The following ATP2B2 variants were observed in gnomAD, a reference collection of about 807,000 sequenced individuals.
ATP2B2 encodes the protein plasma membrane calcium-transporting ATPase 2.
Under a neutral mutation model 120.0 loss-of-function variants are expected in ATP2B2, and 15 were observed. The ratio of observed to expected loss-of-function variants is 0.12; its 90% CI spans 0.08 to 0.19. The LOEUF is 0.19. ATP2B2 is among the 10% of genes least tolerant of loss of function. The pLI, the probability that ATP2B2 is intolerant of heterozygous loss-of-function variation, is 1.00. For synonymous variants in ATP2B2, 694 were observed against 700.3 expected (o/e 0.99, Z 0.14); for missense variants, 1,045 against 1,719.8 (o/e 0.61, Z 6.94).
chr3:10,593,635 A>T (rs1559475984), intron 2 of ATP2B2, among the ~76,000 whole-genome samples: 1 of 152,206 alleles, frequency 6.6e-6, no homozygotes, highest in Non-Finnish European at 1.5e-5. Context: ...AGGCAATACC[A>T]TTCAGGACAT....
intron 6 of ATP2B2, 23 bp downstream of exon 6, chr3:10,388,254 G>C (rs2061742164): frequency 1.2e-6 from 2 of 1,613,902 alleles, no homozygotes; most frequent in Non-Finnish European, 1.7e-6. Context: ...TCCTCTCCTG[G>C]TCTGCAAGGG....
intron 1 of ATP2B2, among the ~76,000 whole-genome samples, chr3:10,660,944 T>C (rs1473124190): frequency 2.0e-5 from 3 of 152,166 alleles, no homozygotes; most frequent in Non-Finnish European, 4.4e-5. Context: ...TGGTTCAACA[T>C]ACACAAATCA....
Position 10,375,364 on chromosome 3 carries a change from G to A in ATP2B2, c.1416+66C>T. The A allele has an allele frequency of 1.4e-6, 2 of 1,418,448 alleles. No individual in the cohort carries two copies. The highest frequency in any genetic ancestry group is 2.0e-6 in the Non-Finnish European group (2 of 1,012,656). 87.9% of individuals were successfully genotyped at this position (1,418,448 alleles called of 1,614,324 possible). A position where few individuals can be genotyped will look rare whatever the true frequency, so the allele number is the denominator to read the frequency against. On this transcript the variant is annotated intron_variant, in intron 11 of 22. Transcript: ENST00000360273. The surrounding 1 kb of genome is among the most constrained non-coding windows in gnomAD (Gnocchi z 4.2). ...TCTCCCAACCCCAGCACCAGCCCCA[G>A]TGATTCCCCCAGGCCCTCAGCTGCA...
At chr3:10,372,403 T>C (rs745956793) in intron 11 of ATP2B2, among the ~76,000 whole-genome samples, 15 of 152,246 alleles carry the variant, frequency 9.9e-5, no homozygotes, top group Non-Finnish European at 2.1e-4. Context: ...TTTTCTCTTA[T>C]AGACTAACAT....
At position 10,356,074 on chromosome 3, in the gene ATP2B2, C is replaced by CAAA. The variant is rs1163636761; in HGVS notation, c.2136+2614_2136+2616dup. Reference sequence around the variant, plus strand: ...TGGGCGACAGAGCGAGACTCCGTCTCAAAAAAAAAAAAAAAAAAAAAAAAA... The same window carrying CAAA: ...TGGGCGACAGAGCGAGACTCCGTCTCAAAAAAAAAAAAAAAAAAAAAAAAAAAA... On this transcript the variant is annotated intron_variant, in intron 14 of 22. Transcript: ENST00000360273. 6.5e-4 allele frequency among the ~76,000 whole-genome samples: 2 copies of CAAA among 3,074 alleles called. 1 individual carries two copies. The allele number at this position is 3,074 out of a possible 152,430, so 2.0% of individuals were successfully genotyped here.
intron 2 of ATP2B2, among the ~76,000 whole-genome samples, chr3:10,587,545 A>C (rs2068539775): frequency 6.6e-6 from 1 of 152,082 alleles, no homozygotes; most frequent in African/African-American, 2.4e-5. Flanking sequence ...ACACCCAGCT[A>C]ATTTTTGTAT....
chr3:10,576,813 C>G (rs749519620), intron 2 of ATP2B2, among the ~76,000 whole-genome samples: 25 of 151,924 alleles, frequency 1.6e-4, no homozygotes, highest in Non-Finnish European at 3.4e-4. Context: ...GTCTGTAATC[C>G]CAGCACTTTG....
chr3:10,694,262 G>C (rs988865539), intron 1 of ATP2B2, among the ~76,000 whole-genome samples: 3 of 152,086 alleles, frequency 2.0e-5, no homozygotes, highest in African/African-American at 7.2e-5. Context: ...CACTATCAAG[G>C]TACTCAACTG....
intron 1 of ATP2B2, among the ~76,000 whole-genome samples, chr3:10,705,753 C>G (rs2071886910): frequency 6.6e-6 from 1 of 152,314 alleles, no homozygotes; most frequent in African/African-American, 2.4e-5. Context: ...AAAATAATTG[C>G]TCAAAAAATA....
intron 3 of ATP2B2, among the ~76,000 whole-genome samples, chr3:10,407,585 C>T (rs549993326): frequency 8.5e-5 from 13 of 152,292 alleles, no homozygotes; most frequent in South Asian, 2.1e-4. Flanking sequence ...AGACCTGGGG[C>T]GGAGGCGGGC....
chr3:10,366,404 T>C (rs1438742141), intron 12 of ATP2B2, among the ~76,000 whole-genome samples: 1 of 152,224 alleles, frequency 6.6e-6, no homozygotes, highest in Non-Finnish European at 1.5e-5. Flanking sequence ...CAGGCGAAGC[T>C]TGGCTTATCT....
At chr3:10,526,642 G>A (rs2067100520) in intron 3 of ATP2B2, among the ~76,000 whole-genome samples, 1 of 152,180 alleles carries the variant, frequency 6.6e-6, no homozygotes, top group African/African-American at 2.4e-5. Flanking sequence ...AATGAAGTCA[G>A]CGGGAGCTGT....
chr3:10,326,788 T>G lies in ATP2B2; in HGVS notation c.*2026A>C. 2.5e-6 allele frequency: 1 copy of G among 399,026 alleles called. No individual in the cohort carries two copies. The highest frequency in any genetic ancestry group is 4.4e-6 in the Non-Finnish European group (1 of 226,070). The allele number at this position is 399,026 out of a possible 1,614,324, so 24.7% of individuals were successfully genotyped here. ...TTTGCCAGGTGGGATGGGCTGACTTTGAACCCCAAACCCTCAAGTTTTTCC... is the reference window on the plus strand; with the variant it reads ...TTTGCCAGGTGGGATGGGCTGACTTGGAACCCCAAACCCTCAAGTTTTTCC... On this transcript the variant is annotated 3_prime_UTR_variant, in exon 23 of 23. Coordinates refer to ENST00000360273, the MANE Select transcript of ATP2B2 (RefSeq NM_001001331.4).
intron 1 of ATP2B2, among the ~76,000 whole-genome samples, chr3:10,650,871 C>G (rs576011549): frequency 4.6e-5 from 7 of 152,340 alleles, no homozygotes; most frequent in African/African-American, 1.7e-4. Context: ...TTCCCAAGGC[C>G]ACGGGAGCCC....
chr3:10,420,361 C>CTT (rs57911821), intron 2 of ATP2B2, among the ~76,000 whole-genome samples: 3 of 139,940 alleles, frequency 2.1e-5, no homozygotes, highest in Non-Finnish European at 1.6e-5. Flanking sequence ...CTTGGTTTCA[C>CTT]TTTTTTTTTT....
Position 10,342,700 on chromosome 3 carries a change from C to A in ATP2B2, c.2917+52G>T. The A allele has an allele frequency of 1.3e-6, 2 of 1,594,946 alleles. No individual in the cohort carries two copies. Among genetic ancestry groups the A allele is most frequent in the Non-Finnish European group, 1.7e-6 (2 of 1,163,752 alleles). On this transcript the variant is annotated intron_variant, in intron 19 of 22. Transcript: ENST00000360273. The surrounding 1 kb of genome is among the most constrained non-coding windows in gnomAD (Gnocchi z 4.4). ...ATGCTGGGTGAGAGCCATGGTGCAC[C>A]CAGAAGGTGATGACCCCGCCTGGGA...
intron 1 of ATP2B2, among the ~76,000 whole-genome samples, chr3:10,469,004 C>T (rs547466751): frequency 2.6e-5 from 4 of 151,952 alleles, no homozygotes; most frequent in East Asian, 2.0e-4. Context: ...TCCACACGAG[C>T]TGAGTAATGA....
Position 10,362,422 on chromosome 3 carries a change from C to T in ATP2B2, c.1660-2299G>A, listed in dbSNP as rs75438363. On this transcript the variant is annotated intron_variant, in intron 12 of 22. Transcript: ENST00000360273. ...CATGGGGGGAATACAGGCATTGACA[C>T]GCAGTGGTCCTGAGACCTGGGGATG... Among the ~76,000 whole-genome samples the T allele has an allele frequency of 7.8e-4, 119 of 152,348 alleles. 4 individuals are homozygous for T. In the East Asian group the frequency reaches 0.021, roughly 27 times the overall value.
chr3:10,546,328 T>C (rs6442180), intron 2 of ATP2B2, among the ~76,000 whole-genome samples: 75,187 of 151,982 alleles, frequency 0.49, 18,910 homozygotes, highest in South Asian at 0.61. Flanking sequence ...TATCCACTTC[T>C]TTACCACCTT....
Sources: gnomAD v4.1 joint callset for allele counts (sites outside exome capture counted in the v4.1 genomes callset) on GRCh38, gnomAD v4.1.1 for gene constraint, Gnocchi (gnomAD v3.1) non-coding constraint, MANE v1.5 for transcripts, NCBI Gene and HGNC (gene_info 2026-07-23, HGNC 2026-07-21) for gene names.